The following SRGAP2C variants were observed in gnomAD, a reference collection of about 807,000 sequenced individuals.
SRGAP2C encodes SLIT-ROBO Rho GTPase activating protein 2C.
In SRGAP2C, 15 loss-of-function variants were observed where a neutral mutation model predicts 25.1. The ratio of observed to expected loss-of-function variants is 0.60; its 90% CI spans 0.40 to 0.92. The LOEUF (loss-of-function observed/expected upper bound fraction) is 0.92. SRGAP2C is among the 40% of genes least tolerant of loss of function. SRGAP2C has a pLI of 0.00. For synonymous variants in SRGAP2C, 44 were observed against 96.6 expected, an observed-to-expected ratio of 0.46 and a Z score of 3.19; for missense variants, 144 against 264.4, an observed-to-expected ratio of 0.54 and a Z score of 3.16.
intron 4 of SRGAP2C, among the ~76,000 whole-genome samples, chr1:121,345,556 A>T (rs587598707): frequency 6.6e-6 from 1 of 151,696 alleles, no homozygotes; most frequent in Non-Finnish European, 1.5e-5. Flanking sequence ...ATTTTGTGCT[A>T]TAGATTTAAA....
rs1407382865 is a variant in SRGAP2C, at chr1:121,278,100, C to A, written c.68-6703C>A. 4.6e-3 allele frequency among the ~76,000 whole-genome samples: 703 copies of A among 151,578 alleles called. 3 individuals carry two copies. The highest frequency in any genetic ancestry group is 0.016 in the African/African-American group (674 of 41,376). On this transcript the variant is annotated intron_variant, in intron 2 of 9. Transcript: ENST00000367123. The stretch of plus-strand genomic sequence containing the variant: ...GGACTAAAGGCATGCACCACCTCCC[C>A]CCGCCAGCTAACTTAAAAAAAAAAT...
intron 4 of SRGAP2C, among the ~76,000 whole-genome samples, chr1:121,346,602 G>A (rs1176335121): frequency 2.0e-5 from 3 of 152,128 alleles, no homozygotes; most frequent in Non-Finnish European, 4.4e-5. Context: ...GGCGAGAGAA[G>A]AAAGAGTTAA....
intron 5 of SRGAP2C, among the ~76,000 whole-genome samples, chr1:121,366,327 T>C (rs1659322093): frequency 8.3e-6 from 1 of 120,868 alleles, no homozygotes; most frequent in African/African-American, 3.1e-5. Context: ...AGTGATGACA[T>C]GCATGACAGG....
intron 4 of SRGAP2C, among the ~76,000 whole-genome samples, chr1:121,357,494 C>T (rs1300288241): frequency 7.2e-5 from 11 of 152,122 alleles, no homozygotes; most frequent in Admixed American, 2.6e-4. Flanking sequence ...CTGCTAAGCA[C>T]TTTTTATGAT....
rs1343653361 is a variant in SRGAP2C, at chr1:121,285,404, T to TCA, written c.260+429_260+430dup. ...ATCTTAATCTCTGTCTCTCTCTCTCTCACACACACACACACACACACTCAC... is the reference window on the plus strand; with the variant it reads ...ATCTTAATCTCTGTCTCTCTCTCTCTCACACACACACACACACACACACTCAC... On this transcript the variant is annotated intron_variant, in intron 3 of 9. Coordinates refer to ENST00000367123, the MANE Select transcript of SRGAP2C (RefSeq NM_001329984.2). Among the ~76,000 whole-genome samples the TCA allele has an allele frequency of 2.5e-3, 314 of 124,458 alleles. 1 individual carries two copies. The highest frequency in any genetic ancestry group is 7.7e-3 in the Admixed American group (92 of 12,012). The allele number at this position is 124,458 out of a possible 152,430, so 81.6% of individuals were successfully genotyped here.
Position 121,381,105 on chromosome 1 carries a change from C to T in SRGAP2C, c.832-1596C>T, listed in dbSNP as rs587687147. Reference sequence around the variant, plus strand: ...CAGCATCTCCCAGAGAGCCCATGCCCGTGCAGCGTCCTAATGAGCCACTTT... The same window carrying T: ...CAGCATCTCCCAGAGAGCCCATGCCTGTGCAGCGTCCTAATGAGCCACTTT... On this transcript the variant is annotated intron_variant, in intron 7 of 9. Transcript: ENST00000367123. 2.2e-5 allele frequency among the ~76,000 whole-genome samples: 2 copies of T among 92,110 alleles called. 1 individual carries two copies. Among genetic ancestry groups the T allele is most frequent in the Non-Finnish European group, 4.7e-5 (2 of 42,168 alleles). 60.4% of individuals were successfully genotyped at this position (92,110 alleles called of 152,430 possible).
chr1:121,348,683 G>C (rs1313396249), intron 4 of SRGAP2C, among the ~76,000 whole-genome samples: 1 of 150,370 alleles, frequency 6.7e-6, no homozygotes, highest in African/African-American at 2.4e-5. Context: ...GCAAGGCATT[G>C]TATAAGATTA....
Position 121,262,537 on chromosome 1 carries a change from AG to A in SRGAP2C, c.68-22263del, listed in dbSNP as rs1656650093. On this transcript the variant is annotated intron_variant, in intron 2 of 9. Coordinates refer to ENST00000367123, the MANE Select transcript of SRGAP2C (RefSeq NM_001329984.2). ...CCGCCAAAGATTCATTGTTAAAGAC[AG>A]GGAAAGCACAACTCATTTCCATTTA... Among the ~76,000 whole-genome samples, 2 of 87,260 alleles carry A rather than the reference AG, an allele frequency of 2.3e-5. 1 individual carries two copies. Among genetic ancestry groups the A allele is most frequent in the Non-Finnish European group, 4.8e-5 (2 of 41,936 alleles). 57.2% of individuals were successfully genotyped at this position (87,260 alleles called of 152,430 possible). A position where few individuals can be genotyped will look rare whatever the true frequency, so the allele number is the denominator to read the frequency against.
intron 4 of SRGAP2C, among the ~76,000 whole-genome samples, chr1:121,351,041 CCACTT>C (rs1332034859): frequency 6.9e-6 from 1 of 145,964 alleles, no homozygotes; most frequent in African/African-American, 2.6e-5. Flanking sequence ...CAATGAAACA[CCACTT>C]CACACCCACT....
intron 4 of SRGAP2C, among the ~76,000 whole-genome samples, chr1:121,356,981 C>T (rs1553347745): frequency 1.3e-5 from 2 of 150,702 alleles, no homozygotes; most frequent in Non-Finnish European, 3.0e-5. Flanking sequence ...CTGACCCCAC[C>T]CTGAACTCCC....
At chr1:121,308,733 G>A (rs1447454707) in intron 3 of SRGAP2C, among the ~76,000 whole-genome samples, 2 of 150,494 alleles carry the variant, frequency 1.3e-5, no homozygotes, top group African/African-American at 4.9e-5. Context: ...GAGGTCAGGA[G>A]TTGGAGACCA....
chr1:121,334,448 T>C (rs1265672883), intron 4 of SRGAP2C, among the ~76,000 whole-genome samples: 4 of 150,500 alleles, frequency 2.7e-5, no homozygotes, highest in African/African-American at 4.9e-5. Context: ...GTATGTAATA[T>C]ATCATCTTTT....
chr1:121,258,443 C>A (rs1387327315), intron 2 of SRGAP2C, among the ~76,000 whole-genome samples: 2 of 144,952 alleles, frequency 1.4e-5, no homozygotes, highest in African/African-American at 5.4e-5. Flanking sequence ...TAGGATACAT[C>A]CCCAAATGGT....
chr1:121,383,140 C>T (rs1260128866), intron 8 of SRGAP2C, among the ~76,000 whole-genome samples: 8 of 150,432 alleles, frequency 5.3e-5, no homozygotes, highest in African/African-American at 1.5e-4. Flanking sequence ...TTAAAGCCCT[C>T]GGGGAGCTTA....
chr1:121,379,271 A>T (rs1659750293), intron 7 of SRGAP2C, among the ~76,000 whole-genome samples: 1 of 151,960 alleles, frequency 6.6e-6, no homozygotes, highest in Non-Finnish European at 1.5e-5. Flanking sequence ...GGGTGAAGAT[A>T]TCAGCTGGGA....
intron 2 of SRGAP2C, among the ~76,000 whole-genome samples, chr1:121,264,908 G>T (rs1434270944): frequency 4.2e-5 from 5 of 119,584 alleles, no homozygotes; most frequent in African/African-American, 1.6e-4. Context: ...AAAAATTTAT[G>T]AACTTGGGCA....
intron 4 of SRGAP2C, among the ~76,000 whole-genome samples, chr1:121,350,723 A>G (rs1658881693): frequency 1.3e-5 from 2 of 152,202 alleles, no homozygotes; most frequent in Admixed American, 6.5e-5. Flanking sequence ...AAGCACAAGC[A>G]ACAAAAGAAA....
chr1:121,189,762 AGTAATAATGATAAT>A, intron 2 of SRGAP2C, among the ~76,000 whole-genome samples: 1 of 103,118 alleles, frequency 9.7e-6, no homozygotes, highest in East Asian at 3.0e-4. Flanking sequence ...GAATAATAAT[AGTAATAATGATAAT>A]GATAATAGAT....
At chr1:121,294,605 TA>T (rs1314076881) in intron 3 of SRGAP2C, among the ~76,000 whole-genome samples, 1,132 of 87,522 alleles carry the variant, frequency 0.013, 313 homozygotes, top group Non-Finnish European at 0.022. Flanking sequence ...TTTTTTTTTT[TA>T]AATAGACTTC....
Sources: allele counts gnomAD v4.1 joint callset (sites outside exome capture counted in the v4.1 genomes callset), GRCh38; gene constraint gnomAD v4.1.1; transcripts MANE v1.5; gene names NCBI Gene and HGNC (gene_info 2026-07-23, HGNC 2026-07-21).